Variants in C5orf46 observed in about 807,000 individuals in gnomAD.
C5orf46 encodes chromosome 5 open reading frame 46.
C5orf46 carries 9 observed loss-of-function variants against 8.9 expected under a neutral mutation model. That is an observed-to-expected ratio of 1.01 (90% confidence interval 0.61 to 1.76). The LOEUF is 1.76. Among genes scored for constraint, C5orf46 ranks in the 40% most tolerant of loss-of-function variants. The probability of loss-of-function intolerance (pLI) is 0.00; values close to 1 mark genes in which losing one functional copy is unlikely to be tolerated. For missense variants in C5orf46, 98 were observed against 107.8 expected (o/e 0.91, Z 0.40); for synonymous variants, 47 against 41.4 (o/e 1.14, Z -0.52).
Position 147,905,361 on chromosome 5 carries a change from T to TA in C5orf46, c.70+1070dup, listed in dbSNP as rs575936382. 6.2e-3 allele frequency among the ~76,000 whole-genome samples: 939 copies of TA among 152,362 alleles called. 5 individuals carry two copies. The highest frequency in any genetic ancestry group is 0.02 in the Middle Eastern group (6 of 294). ...CTGAGGTTCAAAGCAGTGAACGATT[T>TA]AACCAGTTTCAGAGTTTATAAGAGA... On this transcript the variant is annotated intron_variant, in intron 1 of 3. Coordinates refer to ENST00000318315, the MANE Select transcript of C5orf46 (RefSeq NM_206966.3).
At chr5:147,896,327 C>A (rs1757579580) in intron 3 of C5orf46, among the ~76,000 whole-genome samples, 1 of 152,092 alleles carries the variant, frequency 6.6e-6, no homozygotes, top group African/African-American at 2.4e-5. Flanking sequence ...ATAATAATAT[C>A]TATTTTGCAT....
At chr5:147,899,421 C>T (rs1427726503) in intron 2 of C5orf46, among the ~76,000 whole-genome samples, 6 of 152,116 alleles carry the variant, frequency 3.9e-5, no homozygotes, top group Non-Finnish European at 7.4e-5. Flanking sequence ...CTCTACCACC[C>T]GCAGATTTAT....
intron 3 of C5orf46, among the ~76,000 whole-genome samples, chr5:147,896,063 A>T (rs905762033): frequency 6.6e-6 from 1 of 152,228 alleles, no homozygotes; most frequent in African/African-American, 2.4e-5. Context: ...AAGTAACTCA[A>T]CTAAGCAAAG....
downstream of C5orf46, among the ~76,000 whole-genome samples, chr5:147,890,195 G>A (rs1270147545): frequency 6.6e-6 from 1 of 152,148 alleles, no homozygotes; most frequent in African/African-American, 2.4e-5. Flanking sequence ...GGTTATGCAC[G>A]CATATCTTCT....
downstream of C5orf46, among the ~76,000 whole-genome samples, chr5:147,887,856 T>C (rs115612160): frequency 7.0e-3 from 1,067 of 152,256 alleles, 11 homozygotes; most frequent in African/African-American, 0.024. Context: ...AGGTACTAAG[T>C]GCATGAATAT....
intron 3 of C5orf46, among the ~76,000 whole-genome samples, chr5:147,895,835 G>A (rs1051663442): frequency 6.6e-6 from 1 of 152,168 alleles, no homozygotes; most frequent in Admixed American, 6.5e-5. Context: ...GAGTGTCGGG[G>A]TTGGGCATGT....
chr5:147,904,229 A>ACTC (rs1177339280), intron 1 of C5orf46, among the ~76,000 whole-genome samples: 2 of 151,792 alleles, frequency 1.3e-5, no homozygotes, highest in Non-Finnish European at 2.9e-5. Flanking sequence ...TCGTGCAGGT[A>ACTC]CTCCATCAGT....
At chr5:147,890,099 G>C (rs1184008287), downstream of C5orf46, among the ~76,000 whole-genome samples, 2 of 152,146 alleles carry the variant, frequency 1.3e-5, no homozygotes, top group African/African-American at 2.4e-5. Flanking sequence ...GGATTTCCGA[G>C]GGAGCATGAA....
At chr5:147,895,468 T>C (rs1757566775) in intron 3 of C5orf46, among the ~76,000 whole-genome samples, 1 of 152,168 alleles carries the variant, frequency 6.6e-6, no homozygotes, top group African/African-American at 2.4e-5. Flanking sequence ...GTTTTAAAAA[T>C]TCATAAGGAG....
rs1338701325 is a variant in C5orf46, at chr5:147,897,023, A to C, written c.234T>G (p.Asp78Glu). ...MSRSTGFMEF[D>E]DNEGKHSSK ...TTGATGAATGTTTTCCTTCATTATCATCAAATTCCATAAATCCTCTTGAGA... is the reference window on the plus strand; with the variant it reads ...TTGATGAATGTTTTCCTTCATTATCCTCAAATTCCATAAATCCTCTTGAGA... Residue 78 changes from aspartate to glutamate, a missense_variant, in exon 3 of 4, where the codon GAT (aspartate) becomes GAG (glutamate). Physicochemically the swap from Asp to Glu is conservative, Grantham distance 45 (BLOSUM62 2). Transcript: ENST00000318315. 6.7e-7 allele frequency: 1 copy of C among 1,502,044 alleles called. No homozygotes were observed. Among genetic ancestry groups the C allele is most frequent in the Non-Finnish European group, 9.1e-7 (1 of 1,096,750 alleles). 93.0% of individuals were successfully genotyped at this position (1,502,044 alleles called of 1,614,324 possible).
intron 2 of C5orf46, chr5:147,887,531 T>A (rs1757440679): frequency 6.6e-6 from 1 of 152,162 alleles, no homozygotes; most frequent in East Asian, 1.9e-4. Flanking sequence ...TCCATATATT[T>A]TCGATTCAGC....
At chr5:147,891,902 A>C (rs1549204), downstream of C5orf46, among the ~76,000 whole-genome samples, 39,886 of 152,182 alleles carry the variant, frequency 0.26, 9,165 homozygotes, top group African/African-American at 0.62. Flanking sequence ...TATTAAAATT[A>C]TTTGTGCTGC....
intron 2 of C5orf46, chr5:147,886,345 ATGC>A (rs1296228848): frequency 5.3e-5 from 8 of 152,126 alleles, no homozygotes; most frequent in African/African-American, 1.7e-4. Context: ...GGTAGAAAAT[ATGC>A]TGGATTGCTC....
Position 147,892,834 on chromosome 5 carries a change from C to G in C5orf46, c.*115G>C, listed in dbSNP as rs927189002. On this transcript the variant is annotated 3_prime_UTR_variant, in exon 4 of 4. Coordinates refer to ENST00000318315, the MANE Select transcript of C5orf46 (RefSeq NM_206966.3). Reference sequence around the variant, plus strand: ...AGCCAGAGCCTGAATCCTGAGAACTCGTTGGGAGTTGCTTTGAGGGCTCTG... The same window carrying G: ...AGCCAGAGCCTGAATCCTGAGAACTGGTTGGGAGTTGCTTTGAGGGCTCTG... The G allele has an allele frequency of 5.9e-5, 9 of 152,238 alleles. No homozygotes were observed. Among genetic ancestry groups the G allele is most frequent in the Admixed American group, 1.3e-4 (2 of 15,286 alleles). The allele number at this position is 152,238 out of a possible 1,614,324, so 9.4% of individuals were successfully genotyped here. A position where few individuals can be genotyped will look rare whatever the true frequency, so the allele number is the denominator to read the frequency against.
chr5:147,901,165 AC>A (rs1757663321), intron 2 of C5orf46: 1 of 152,838 alleles, frequency 6.5e-6, no homozygotes, highest in Non-Finnish European at 1.5e-5. Context: ...CGAACATATC[AC>A]TACCTCTTAC....
chr5:147,900,558 G>C (rs1757650998), intron 2 of C5orf46, among the ~76,000 whole-genome samples: 1 of 152,174 alleles, frequency 6.6e-6, no homozygotes, highest in Non-Finnish European at 1.5e-5. Flanking sequence ...ATGCAACCCA[G>C]AACATCTGAT....
intron 3 of C5orf46, among the ~76,000 whole-genome samples, chr5:147,895,738 G>A (rs935455870): frequency 2.0e-5 from 3 of 152,140 alleles, no homozygotes; most frequent in African/African-American, 7.2e-5. Flanking sequence ...AGAAGAGGCA[G>A]GCTGTTCTCT....
downstream of C5orf46, among the ~76,000 whole-genome samples, chr5:147,889,140 G>A (rs1757466453): frequency 6.6e-6 from 1 of 151,970 alleles, no homozygotes. Context: ...TTGAAAAGCT[G>A]AAAAAATAGA....
intron 3 of C5orf46, among the ~76,000 whole-genome samples, chr5:147,896,680 G>A (rs1446960769): frequency 6.6e-6 from 1 of 152,080 alleles, no homozygotes; most frequent in Admixed American, 6.6e-5. Flanking sequence ...GTGCGTGCTA[G>A]CCCCTCATTT....
Sources: gnomAD v4.1 joint callset for allele counts (sites outside exome capture counted in the v4.1 genomes callset) on GRCh38, gnomAD v4.1.1 for gene constraint, MANE v1.5 for transcripts, NCBI Gene and HGNC (gene_info 2026-07-23, HGNC 2026-07-21) for gene names.